ATXN7L1: variants seen among roughly 807,000 people sequenced by gnomAD.
ATXN7L1 encodes the protein ataxin 7 like 1.
In ATXN7L1, 15 loss-of-function variants were observed where a neutral mutation model predicts 70.8. That is an observed-to-expected ratio of 0.21 (90% confidence interval 0.14 to 0.33). ATXN7L1 has a LOEUF of 0.33. Ranked by LOEUF, ATXN7L1 falls within the 10% of genes least tolerant of loss-of-function variation. The pLI, the probability that ATXN7L1 is intolerant of heterozygous loss-of-function variation, is 1.00. For synonymous variants in ATXN7L1, 440 were observed against 445.1 expected (o/e 0.99, Z 0.14); for missense variants, 975 against 1,097.1 (o/e 0.89, Z 1.57).
chr7:105,814,683 T>C (rs1808937861), intron 2 of ATXN7L1, among the ~76,000 whole-genome samples: 1 of 152,128 alleles, frequency 6.6e-6, no homozygotes, highest in Admixed American at 6.5e-5. Flanking sequence ...GGAAGAATCA[T>C]GTATGAGAAA....
chr7:105,848,448 A>G (rs952923220), intron 2 of ATXN7L1, among the ~76,000 whole-genome samples: 1 of 152,210 alleles, frequency 6.6e-6, no homozygotes, highest in Non-Finnish European at 1.5e-5. Context: ...TATTCATTTG[A>G]TTGCAATATT....
chr7:105,821,834 C>T (rs1328284307), intron 2 of ATXN7L1, among the ~76,000 whole-genome samples: 1 of 152,256 alleles, frequency 6.6e-6, no homozygotes, highest in Non-Finnish European at 1.5e-5. Context: ...TGCTCCTGTG[C>T]TCACAACACT....
chr7:105,679,102 T>C lies in ATXN7L1; in HGVS notation c.356-13814A>G. On this transcript the variant is annotated intron_variant, in intron 3 of 11. Transcript: ENST00000419735. ...TTTGGATAAGGAGGCTGACACACGC[T>C]GGGCAACGCGACTCGTGGTAGTAGA... 8.1e-6 allele frequency: 8 copies of C among 986,080 alleles called. 1 individual carries two copies. In the South Asian group the frequency reaches 3.8e-4, roughly 46 times the overall value. The allele number at this position is 986,080 out of a possible 1,614,324, so 61.1% of individuals were successfully genotyped here. A position where few individuals can be genotyped will look rare whatever the true frequency, so the allele number is the denominator to read the frequency against.
intron 3 of ATXN7L1, among the ~76,000 whole-genome samples, chr7:105,697,195 G>A (rs961103920): frequency 1.3e-5 from 2 of 152,122 alleles, no homozygotes; most frequent in African/African-American, 4.8e-5. Context: ...GAGATCAACC[G>A]GTCTGACCAA....
intron 11 of ATXN7L1, among the ~76,000 whole-genome samples, chr7:105,608,179 T>C (rs565328004): frequency 3.9e-5 from 6 of 151,938 alleles, no homozygotes; most frequent in Admixed American, 3.9e-4. Flanking sequence ...TTTGGGAGAG[T>C]GGACAGAATA....
At chr7:105,827,564 A>G (rs7786655) in intron 2 of ATXN7L1, among the ~76,000 whole-genome samples, 1 of 152,220 alleles carries the variant, frequency 6.6e-6, no homozygotes, top group East Asian at 1.9e-4. Flanking sequence ...TTTGTGAGAC[A>G]TGAAACTCGC....
At chr7:105,776,999 A>C (rs1413694186) in intron 3 of ATXN7L1, among the ~76,000 whole-genome samples, 3 of 151,966 alleles carry the variant, frequency 2.0e-5, no homozygotes, top group African/African-American at 7.3e-5. Context: ...GGAACTCTTG[A>C]CCTCAGGTGA....
At chr7:105,649,247 C>A (rs935197420) in intron 4 of ATXN7L1, among the ~76,000 whole-genome samples, 1 of 152,200 alleles carries the variant, frequency 6.6e-6, no homozygotes, top group Non-Finnish European at 1.5e-5. Flanking sequence ...TGAACTCTTT[C>A]AGAGAGCTCA....
intron 3 of ATXN7L1, among the ~76,000 whole-genome samples, chr7:105,783,031 G>A (rs530848730): frequency 2.0e-5 from 3 of 152,242 alleles, no homozygotes; most frequent in East Asian, 1.9e-4. Context: ...GCCAGAAAAC[G>A]ATACAACCTT....
rs569364388 is a variant in ATXN7L1, at chr7:105,612,069, G to A, written c.2473-1466C>T. Among the ~76,000 whole-genome samples, 113 of 152,270 alleles carry A rather than the reference G, an allele frequency of 7.4e-4. 1 individual carries two copies. Among genetic ancestry groups the A allele is most frequent in the African/African-American group, 2.6e-3 (108 of 41,548 alleles). On this transcript the variant is annotated intron_variant, in intron 10 of 11. Transcript: ENST00000419735. ...TTCTGGCTGACTCAGCATTTACTAA[G>A]CATTTCCTACAGTCCTGCAGACCAA...
intron 7 of ATXN7L1, among the ~76,000 whole-genome samples, chr7:105,635,174 G>A (rs988251773): frequency 6.6e-6 from 1 of 152,208 alleles, no homozygotes; most frequent in Non-Finnish European, 1.5e-5. Flanking sequence ...CCAGCTTCCT[G>A]CGGGCTCTCA....
chr7:105,758,998 C>G (rs961675723), intron 3 of ATXN7L1, among the ~76,000 whole-genome samples: 1 of 152,190 alleles, frequency 6.6e-6, no homozygotes, highest in African/African-American at 2.4e-5. Flanking sequence ...GGCTTCAAAT[C>G]CTTTCTTTGA....
Position 105,759,020 on chromosome 7 carries a change from G to A in ATXN7L1, c.355+29584C>T, listed in dbSNP as rs538306772. On this transcript the variant is annotated intron_variant, in intron 3 of 11. Coordinates refer to ENST00000419735, the MANE Select transcript of ATXN7L1 (RefSeq NM_020725.2). ...AATCCTTTCTTTGAACCATTTTAAA[G>A]TTTTCTTGCATGTTGCCTCCTTTCC... Among the ~76,000 whole-genome samples, 25 of 152,068 alleles carry A rather than the reference G, an allele frequency of 1.6e-4. 1 individual carries two copies. In the South Asian group the frequency reaches 4.8e-3, roughly 29 times the overall value.
At chr7:105,700,137 A>G (rs1005653108) in intron 3 of ATXN7L1, among the ~76,000 whole-genome samples, 4 of 152,290 alleles carry the variant, frequency 2.6e-5, no homozygotes, top group Admixed American at 2.0e-4. Context: ...CACTACCTGT[A>G]AACACCTGCA....
rs1249517692 is a variant in ATXN7L1, at chr7:105,642,936, T to C, written c.764A>G (p.Glu255Gly). The change falls in exon 5 of 12, where the codon GAG (glutamate) becomes GGG (glycine). Residue 255 changes from glutamate (E) to glycine (G), a missense_variant. Coordinates refer to ENST00000419735, the MANE Select transcript of ATXN7L1 (RefSeq NM_020725.2). ...LMSKSVPPSP[E>G]KILNGKGILP... is the part of the protein sequence containing the mutation. Reference sequence around the variant, plus strand: ...AATTCCTTTGCCATTTAAGATCTTCTCTGGTGAAGGTGGCACTGACTTGGA... The same window carrying C: ...AATTCCTTTGCCATTTAAGATCTTCCCTGGTGAAGGTGGCACTGACTTGGA... 6.4e-7 allele frequency: 1 copy of C among 1,551,624 alleles called. No individual in the cohort carries two copies. Among genetic ancestry groups the C allele is most frequent in the African/African-American group, 1.4e-5 (1 of 73,110 alleles).
At chr7:105,778,293 G>A (rs747265598) in intron 3 of ATXN7L1, among the ~76,000 whole-genome samples, 8 of 149,042 alleles carry the variant, frequency 5.4e-5, no homozygotes, top group Non-Finnish European at 1.0e-4. Flanking sequence ...GATCGCTTGA[G>A]CCCAGGAGTT....
chr7:105,867,202 T>C (rs1031220068), intron 2 of ATXN7L1, among the ~76,000 whole-genome samples: 1 of 152,144 alleles, frequency 6.6e-6, no homozygotes, highest in African/African-American at 2.4e-5. Flanking sequence ...CCCCTGCCCT[T>C]TGTACCTTCC....
chr7:105,640,415 C>G (rs1706911), intron 5 of ATXN7L1, among the ~76,000 whole-genome samples: 22,934 of 152,218 alleles, frequency 0.15, 1,901 homozygotes, highest in South Asian at 0.35. Context: ...ACAGCTTGTG[C>G]GGAGGTTACT....
intron 4 of ATXN7L1, among the ~76,000 whole-genome samples, chr7:105,646,381 G>T (rs922574563): frequency 6.6e-6 from 1 of 152,094 alleles, no homozygotes; most frequent in African/African-American, 2.4e-5. Flanking sequence ...TAGGATTTTG[G>T]GGGGCCAGGG....
Sources: allele counts gnomAD v4.1 joint callset (sites outside exome capture counted in the v4.1 genomes callset), GRCh38; gene constraint gnomAD v4.1.1; transcripts MANE v1.5; gene names NCBI Gene and HGNC (gene_info 2026-07-23, HGNC 2026-07-21).